FRMPD3: variants seen among roughly 807,000 people sequenced by gnomAD.
FRMPD3 encodes the protein FERM and PDZ domain containing 3, also known as FERM and PDZ domain-containing protein 3.
A neutral mutation model predicts 97.9 loss-of-function variants in FRMPD3; 42 were observed. The observed-to-expected ratio is 0.43, with a 90% CI of 0.34 to 0.55. The LOEUF (loss-of-function observed/expected upper bound fraction) is 0.55, where lower values mean the gene tolerates loss of function less well. FRMPD3 is among the 20% of genes least tolerant of loss of function. FRMPD3 has a pLI of 0.03. For synonymous variants in FRMPD3, 577 were observed against 581.1 expected (o/e 0.99, Z 0.10); for missense variants, 1,303 against 1,457.7 (o/e 0.89, Z 1.73).
intron 4 of FRMPD3, among the ~76,000 whole-genome samples, chrX:107,543,070 A>G (rs1458844874): frequency 8.9e-6 from 1 of 112,098 alleles, no homozygotes; most frequent in Non-Finnish European, 1.9e-5. Flanking sequence ...AGCCTCCATT[A>G]TGTTTTAACC....
chrX:107,497,341 A>G (rs181842726), intron 1 of FRMPD3, among the ~76,000 whole-genome samples: 1 of 113,064 alleles, frequency 8.8e-6, no homozygotes, highest in African/African-American at 3.2e-5. Flanking sequence ...TGTCCAAGTA[A>G]GGAGTTTTCA....
chrX:107,530,993 C>T (rs990980596), intron 3 of FRMPD3, among the ~76,000 whole-genome samples: 7 of 110,894 alleles, frequency 6.3e-5, no homozygotes, highest in Non-Finnish European at 1.1e-4. Flanking sequence ...GTGTTTGTGT[C>T]CCCTAAATGC....
rs776760544 is a variant in FRMPD3 at position 107,602,855 on chromosome X, C to T, written c.4816C>T (p.Arg1606Trp). Reference protein sequence around the residue: ...LDTNELLTVLRQCVASPEARA... With the variant: ...LDTNELLTVLWQCVASPEARA... ...CACCAACGAGCTGCTGACAGTCCTG[C>T]GGCAGTGTGTGGCCAGCCCCGAGGC... The change falls in exon 15 of 15, where the codon CGG becomes TGG. Residue 1606 changes from arginine to tryptophan, a missense_variant. Arg to Trp is a moderately radical substitution (Grantham distance 101). Around this residue, in one of 3 missense-constraint regions of FRMPD3, gnomAD observed 764 missense variants for 820.2 expected, o/e 0.93. Coordinates refer to ENST00000683843, the MANE Select transcript of FRMPD3 (RefSeq NM_001388459.1). 4.1e-6 allele frequency: 5 copies of T among 1,210,154 alleles called. No homozygotes were observed. Among genetic ancestry groups the T allele is most frequent in the Non-Finnish European group, 5.6e-6 (5 of 894,975 alleles).
chrX:107,560,628 C>T lies in FRMPD3; in HGVS notation c.900-99C>T, dbSNP rs751997936. 4.0e-6 allele frequency: 4 copies of T among 987,790 alleles called. No individual in the cohort carries two copies. The African/African-American group carries it at 5.9e-5, about 15-fold the overall frequency. 81.4% of individuals were successfully genotyped at this position (987,790 alleles called of 1,213,427 possible). On this transcript the variant is annotated intron_variant, in intron 9 of 14. Transcript: ENST00000683843. Reference sequence around the variant, plus strand: ...TTCTTTCTCCCAGTCTCTATTCCTCCATCTCTACCTCTCAGATTCAGTCAA... The same window carrying T: ...TTCTTTCTCCCAGTCTCTATTCCTCTATCTCTACCTCTCAGATTCAGTCAA...
intron 12 of FRMPD3, among the ~76,000 whole-genome samples, chrX:107,567,092 C>T (rs774795469): frequency 7.0e-4 from 78 of 111,907 alleles, no homozygotes; most frequent in Non-Finnish European, 1.3e-3. Flanking sequence ...CTCTGAATCC[C>T]GATTCCCTCA....
intron 1 of FRMPD3, among the ~76,000 whole-genome samples, chrX:107,462,040 A>G (rs1180392663): frequency 9.1e-6 from 1 of 110,177 alleles, no homozygotes; most frequent in African/African-American, 3.3e-5. Context: ...GCTCAAGTCC[A>G]GCCTCTGCTA....
chrX:107,507,094 G>A (rs971825702), intron 1 of FRMPD3, among the ~76,000 whole-genome samples: 1 of 109,971 alleles, frequency 9.1e-6, no homozygotes, highest in Non-Finnish European at 1.9e-5. Context: ...GTCGGCAGTC[G>A]AGCGCTAGGG....
rs937387347 is a variant in FRMPD3 at position 107,449,886 on chromosome X, C to T, written c.-127C>T. Reference sequence around the variant, plus strand: ...CATGCCGGGCTCGGGGGCACGGGTGCCCTAGTCCCGCTGCCGCCGCCGCCG... The same window carrying T: ...CATGCCGGGCTCGGGGGCACGGGTGTCCTAGTCCCGCTGCCGCCGCCGCCG... On this transcript the variant is annotated 5_prime_UTR_variant, in exon 1 of 15. Transcript: ENST00000683843. Among the ~76,000 whole-genome samples, 1 of 108,941 alleles carries T rather than the reference C, an allele frequency of 9.2e-6. No individual in the cohort carries two copies. Among genetic ancestry groups the T allele is most frequent in the Non-Finnish European group, 1.9e-5 (1 of 51,846 alleles). 94.6% of individuals were successfully genotyped at this position (108,941 alleles called of 115,157 possible). A position where few individuals can be genotyped will look rare whatever the true frequency, so the allele number is the denominator to read the frequency against.
chrX:107,509,225 G>C (rs970804016), intron 1 of FRMPD3, among the ~76,000 whole-genome samples: 5 of 112,559 alleles, frequency 4.4e-5, no homozygotes, highest in African/African-American at 1.6e-4. Flanking sequence ...TCATAGAGCT[G>C]GCTCCGCAAA....
intron 13 of FRMPD3, among the ~76,000 whole-genome samples, chrX:107,580,576 T>C (rs753666522): frequency 9.0e-6 from 1 of 111,622 alleles, no homozygotes; most frequent in Admixed American, 9.6e-5. Context: ...CCACCTTTGA[T>C]GGCAGCTTAT....
intron 13 of FRMPD3, among the ~76,000 whole-genome samples, chrX:107,586,877 T>A (rs1428535019): frequency 8.9e-6 from 1 of 112,308 alleles, no homozygotes; most frequent in Non-Finnish European, 1.9e-5. Context: ...AATTATGTGG[T>A]TGATTTTAGA....
Position 107,512,560 on chromosome X carries a change from G to T in FRMPD3, c.-7-14022G>T, listed in dbSNP as rs753978473. ...TTTCCTCTCCTCCTTTGCTCTGCCT[G>T]GTCCCCTTTCCTGCTCAGCTGTCTT... On this transcript the variant is annotated intron_variant, in intron 1 of 14. Transcript: ENST00000683843. Among the ~76,000 whole-genome samples the T allele has an allele frequency of 2.7e-5, 3 of 111,085 alleles. No individual in the cohort carries two copies. The South Asian group carries it at 1.2e-3, about 43-fold the overall frequency.
intron 1 of FRMPD3, among the ~76,000 whole-genome samples, chrX:107,497,409 C>A (rs1921800885): frequency 8.9e-6 from 1 of 112,458 alleles, no homozygotes; most frequent in African/African-American, 3.2e-5. Context: ...TTGGCTGGGG[C>A]CCCCTCCCCA....
At chrX:107,589,068 T>C (rs568847896) in intron 13 of FRMPD3, among the ~76,000 whole-genome samples, 4 of 111,858 alleles carry the variant, frequency 3.6e-5, no homozygotes, top group Non-Finnish European at 7.5e-5. Context: ...TTCCGAAGCC[T>C]ACTTCTGTCA....
At chrX:107,514,681 A>G (rs1005127392) in intron 1 of FRMPD3, among the ~76,000 whole-genome samples, 2 of 109,662 alleles carry the variant, frequency 1.8e-5, no homozygotes, top group Middle Eastern at 4.6e-3. Context: ...GCGTGCCACC[A>G]CGCTCAGCTA....
At position 107,565,006 on chromosome X, in the gene FRMPD3, C is replaced by T. The variant is rs1372461674; in HGVS notation, c.1236C>T (p.Ile412=). ...VLSEFSKISK[I]QLFRENQGVA... is the part of the protein sequence containing the mutation. ...CCGAGTTCAGCAAGATCAGCAAGAT[C>T]CAGCTGTTCCGGGAGAACCAGGGCG... The change falls in exon 12 of 15, where the codon ATC becomes ATT. Residue 412 remains isoleucine (I), a synonymous_variant. Coordinates refer to ENST00000683843, the MANE Select transcript of FRMPD3 (RefSeq NM_001388459.1). 8.3e-7 allele frequency: 1 copy of T among 1,206,906 alleles called. No individual in the cohort carries two copies. The highest frequency in any genetic ancestry group is 1.8e-5 in the South Asian group (1 of 56,097).
At chrX:107,482,701 T>C (rs1433206619) in intron 1 of FRMPD3, among the ~76,000 whole-genome samples, 1 of 111,803 alleles carries the variant, frequency 8.9e-6, no homozygotes, top group Non-Finnish European at 1.9e-5. Flanking sequence ...TAATTTTCAT[T>C]TTAGAGCAGA....
intron 1 of FRMPD3, among the ~76,000 whole-genome samples, chrX:107,456,474 C>T (rs1320688391): frequency 8.9e-6 from 1 of 112,219 alleles, no homozygotes. Flanking sequence ...TGCCAAACAT[C>T]GATCACATCA....
Position 107,597,971 on chromosome X carries a change from C to T in FRMPD3, c.2092C>T (p.Arg698Cys), listed in dbSNP as rs754821650. Residue 698 changes from arginine (R) to cysteine (C), a missense_variant, in exon 14 of 15, where the codon CGT becomes TGT. By Grantham distance (180) the Arg-to-Cys change is radical. Transcript: ENST00000683843. The stretch of plus-strand genomic sequence containing the variant: ...GAGCCAGGAACAAGGACGCCACCTG[C>T]GTGGGCTTCTGTACGATGAGATTCC... ...VQSQEQGRHL[R>C]GLLYDEIPVT... is the part of the protein sequence containing the mutation. The T allele has an allele frequency of 5.0e-6, 6 of 1,210,753 alleles. No individual in the cohort carries two copies. Among genetic ancestry groups the T allele is most frequent in the South Asian group, 1.8e-5 (1 of 56,955 alleles).
Sources: gnomAD v4.1 joint callset for allele counts (sites outside exome capture counted in the v4.1 genomes callset) on GRCh38, gnomAD v4.1.1 for gene constraint, gnomAD v4.1.1 regional missense constraint, MANE v1.5 for transcripts, NCBI Gene and HGNC (gene_info 2026-07-23, HGNC 2026-07-21) for gene names.